TOPORS: variants seen among roughly 807,000 people sequenced by gnomAD.
TOPORS encodes the protein TOP1 binding arginine/serine rich protein, E3 ubiquitin ligase.
Under a neutral mutation model 81.4 loss-of-function variants are expected in TOPORS, and 25 were observed. The ratio of observed to expected loss-of-function variants is 0.31; its 90% confidence interval spans 0.22 to 0.43. The LOEUF (loss-of-function observed/expected upper bound fraction) is 0.43, where lower values mean the gene tolerates loss of function less well. Ranked by LOEUF, TOPORS falls within the 20% of genes least tolerant of loss-of-function variation. The probability of loss-of-function intolerance (pLI) is 1.00; values close to 1 mark genes in which losing one functional copy is unlikely to be tolerated. For missense variants in TOPORS, 1,101 were observed against 1,267.0 expected, an observed-to-expected ratio of 0.87 and a Z score of 1.99; for synonymous variants, 473 against 456.6, an observed-to-expected ratio of 1.04 and a Z score of -0.46.
At chr9:32,546,435 A>C (rs1222081136) in intron 2 of TOPORS, among the ~76,000 whole-genome samples, 1 of 152,244 alleles carries the variant, frequency 6.6e-6, no homozygotes, top group Non-Finnish European at 1.5e-5. Flanking sequence ...GGCTTCACCT[A>C]GAACTAGCTC....
At chr9:32,550,656 G>A in intron 2 of TOPORS, 118 bp downstream of exon 2, 2 of 1,200,794 alleles carry the variant, frequency 1.7e-6, no homozygotes. Context: ...GCCGAGGCCC[G>A]GACAGCCCCG....
At chr9:32,548,525 T>G (rs1389482246) in intron 2 of TOPORS, among the ~76,000 whole-genome samples, 1 of 151,776 alleles carries the variant, frequency 6.6e-6, no homozygotes, top group Non-Finnish European at 1.5e-5. Context: ...AAACTCTGCC[T>G]CACACACAAA....
chr9:32,541,024 C>CA lies in TOPORS; in HGVS notation c.*362dup, dbSNP rs34721491. ...TATAACACATTTCCAGAATAACTCT[C>CA]AAAAAAAAAAAATTCAAAAATACTC... On this transcript the variant is annotated 3_prime_UTR_variant, in exon 3 of 3. Coordinates refer to ENST00000360538, the MANE Select transcript of TOPORS (RefSeq NM_005802.5). 30,112 of 164,024 alleles carry CA rather than the reference C, an allele frequency of 0.18. 2,822 individuals are homozygous for CA. Among genetic ancestry groups the CA allele is most frequent in the Non-Finnish European group, 0.25 (19,267 of 76,896 alleles). The allele number at this position is 164,024 out of a possible 1,614,324, so 10.2% of individuals were successfully genotyped here. A position where few individuals can be genotyped will look rare whatever the true frequency, so the allele number is the denominator to read the frequency against.
At chr9:32,549,151 C>G (rs534736859) in intron 2 of TOPORS, among the ~76,000 whole-genome samples, 4 of 152,026 alleles carry the variant, frequency 2.6e-5, no homozygotes, top group Non-Finnish European at 5.9e-5. Context: ...ACTAAAAATA[C>G]AAAAAATTAG....
At position 32,542,486 on chromosome 9, in the gene TOPORS, C is replaced by T; in HGVS notation, c.2039G>A (p.Arg680Lys). The change falls in exon 3 of 3, where the codon AGA becomes AAA. Residue 680 changes from arginine (R) to lysine (K), a missense_variant. Transcript: ENST00000360538. The stretch of plus-strand genomic sequence containing the variant: ...ATCTCTATTTCTGCTCCGTGATCTT[C>T]TTTTACCATGATCACTGCTACGAGA... ...SRSRSSDHGK[R>K]RSRSRNRDRY... 1 of 1,613,834 alleles carries T rather than the reference C, an allele frequency of 6.2e-7. No homozygotes were observed. Among genetic ancestry groups the T allele is most frequent in the Non-Finnish European group, 8.5e-7 (1 of 1,180,014 alleles).
At chr9:32,550,424 G>A (rs1821214533) in intron 2 of TOPORS, among the ~76,000 whole-genome samples, 1 of 152,236 alleles carries the variant, frequency 6.6e-6, no homozygotes, top group African/African-American at 2.4e-5. Flanking sequence ...TTTACAGACA[G>A]GCTCAGGGAT....
intron 1 of TOPORS, chr9:32,551,371 T>C (rs1338639359): frequency 5.9e-6 from 2 of 340,130 alleles, no homozygotes; most frequent in Non-Finnish European, 1.2e-5. Context: ...TCACCTCCTG[T>C]TGTACGCCTC....
At chr9:32,550,528 T>C (rs1032016082) in intron 2 of TOPORS, among the ~76,000 whole-genome samples, 1 of 152,332 alleles carries the variant, frequency 6.6e-6, no homozygotes, top group Admixed American at 6.5e-5. Context: ...CCAAGCTCTT[T>C]CCAGTACACG....
At chr9:32,550,256 G>T (rs111313866) in intron 2 of TOPORS, among the ~76,000 whole-genome samples, 1 of 152,148 alleles carries the variant, frequency 6.6e-6, no homozygotes, top group Admixed American at 6.6e-5. Flanking sequence ...ACAAGTCACG[G>T]GCAATTTCTG....
intron 2 of TOPORS, among the ~76,000 whole-genome samples, chr9:32,549,056 T>C (rs571344729): frequency 7.6e-4 from 116 of 152,238 alleles, no homozygotes; most frequent in Non-Finnish European, 1.2e-3. Flanking sequence ...ATGCCTGTAA[T>C]CCCAGCACTT....
Position 32,543,683 on chromosome 9 carries a change from A to T in TOPORS, c.842T>A (p.Ile281Asn), listed in dbSNP as rs1302485735. The change falls in exon 3 of 3, where the codon ATT (isoleucine) becomes AAT (asparagine). Residue 281 changes from isoleucine to asparagine, a missense_variant. Ile to Asn is a moderately radical substitution (Grantham distance 149, BLOSUM62 -3). This residue lies in a region of TOPORS where 69 missense variants were observed against 153.6 expected (regional missense o/e 0.45). Transcript: ENST00000360538. This position sits in a 1 kb window ranked among gnomAD's most constrained non-coding sequence, Gnocchi z 5.6. ...ATTTCTACGGAAAAATTCAGCTGAA[A>T]TATCCCTGTAGCGGCCACCATCTTC... ...NIEDGGRYRD[I>N]SAEFFRRNPA... 1.2e-6 allele frequency: 2 copies of T among 1,613,080 alleles called. No homozygotes were observed. Among genetic ancestry groups the T allele is most frequent in the Non-Finnish European group, 8.5e-7 (1 of 1,179,768 alleles).
Position 32,543,824 on chromosome 9 carries a change from A to G in TOPORS, c.701T>C (p.Ile234Thr). 1.2e-6 allele frequency: 2 copies of G among 1,614,098 alleles called. No individual in the cohort carries two copies. The highest frequency in any genetic ancestry group is 1.3e-5 in the African/African-American group (1 of 75,050). ...DVEIPQFMRQ[I>T]AVRRPTTADE... ...TGCCGTAGTTGGCCTCCTTACTGCA[A>G]TCTGTCTCATAAACTGAGGAATTTC... The change falls in exon 3 of 3, where the codon ATT becomes ACT. Residue 234 changes from isoleucine (I) to threonine (T), a missense_variant. Around this residue, in one of 9 missense-constraint regions of TOPORS, gnomAD observed 120 missense variants for 115.4 expected, o/e 1.04. Coordinates refer to ENST00000360538, the MANE Select transcript of TOPORS (RefSeq NM_005802.5). This position sits in a 1 kb window ranked among gnomAD's most constrained non-coding sequence, Gnocchi z 5.6.
chr9:32,542,226 G>A lies in TOPORS; in HGVS notation c.2299C>T (p.His767Tyr). Residue 767 changes from histidine (H) to tyrosine (Y), a missense_variant, in exon 3 of 3, where the codon CAC becomes TAC. Physicochemically the swap from His to Tyr is moderately conservative, Grantham distance 83. Coordinates refer to ENST00000360538, the MANE Select transcript of TOPORS (RefSeq NM_005802.5). ...TTACTAGACAGGCTCCTTGATCTGT[G>A]CCTTTCATAGTAGTAATACTTCCTC... The part of the protein sequence containing the change: ...SERKYYYYER[H>Y]RSRSLSSNRS... 6.2e-7 allele frequency: 1 copy of A among 1,614,136 alleles called. No homozygotes were observed.
intron 2 of TOPORS, among the ~76,000 whole-genome samples, chr9:32,549,450 T>C (rs1436632254): frequency 1.3e-5 from 2 of 152,256 alleles, no homozygotes; most frequent in Non-Finnish European, 2.9e-5. Context: ...TTAGTAGGTG[T>C]GTAACCTGGA....
Position 32,543,130 on chromosome 9 carries a change from G to C in TOPORS, c.1395C>G (p.Asp465Glu). 6.2e-7 allele frequency: 1 copy of C among 1,614,056 alleles called. No homozygotes were observed. The highest frequency in any genetic ancestry group is 8.5e-7 in the Non-Finnish European group (1 of 1,180,012). ...AATCATCACTGTCATTATTTAGGTC[G>C]TCATTGGTTTGTACTCCTTGTATCT... ...TSQIQGVQTNDDLNNDSDDSS... is the reference protein window; with the variant it reads ...TSQIQGVQTNEDLNNDSDDSS... Residue 465 changes from aspartate to glutamate, a missense_variant, in exon 3 of 3, where the codon GAC becomes GAG. By Grantham distance (45) the Asp-to-Glu change is conservative. Around this residue, in one of 9 missense-constraint regions of TOPORS, gnomAD observed 103 missense variants for 112.1 expected, o/e 0.92. Coordinates refer to ENST00000360538, the MANE Select transcript of TOPORS (RefSeq NM_005802.5). The surrounding 1 kb of genome is among the most constrained non-coding windows in gnomAD (Gnocchi z 5.6).
rs1821088820 is a variant in TOPORS, at chr9:32,542,813, G to A, written c.1712C>T (p.Pro571Leu). 6.2e-7 allele frequency: 1 copy of A among 1,613,948 alleles called. No homozygotes were observed. Among genetic ancestry groups the A allele is most frequent in the East Asian group, 2.2e-5 (1 of 44,874 alleles). ...EEKRSTSLSS[P>L]RNLNSSVRGD... Reference sequence around the variant, plus strand: ...TCTTACAGATGAGTTCAGGTTTCTGGGAGATGACAATGATGTAGATCGTTT... The same window carrying A: ...TCTTACAGATGAGTTCAGGTTTCTGAGAGATGACAATGATGTAGATCGTTT... The change falls in exon 3 of 3, where the codon CCC becomes CTC. Residue 571 changes from proline (P) to leucine (L), a missense_variant. Physicochemically the swap from Pro to Leu is moderately conservative, Grantham distance 98 (BLOSUM62 -3). This residue lies in a region of TOPORS where 605 missense variants were observed against 636.1 expected (regional missense o/e 0.95). Transcript: ENST00000360538.
intron 1 of TOPORS, 56 bp from the exon 2 acceptor site, chr9:32,551,024 G>T: frequency 1.3e-6 from 2 of 1,581,310 alleles, no homozygotes; most frequent in Non-Finnish European, 1.7e-6. Context: ...CAGAGAGCGA[G>T]ACCCACCCCC....
intron 2 of TOPORS, among the ~76,000 whole-genome samples, chr9:32,547,819 G>A (rs2118974837): frequency 6.6e-6 from 1 of 151,958 alleles, no homozygotes; most frequent in Admixed American, 6.6e-5. Flanking sequence ...GAACTTTATG[G>A]ATGGAATGTA....
Position 32,542,483 on chromosome 9 carries a change from C to T in TOPORS, c.2042G>A (p.Arg681Lys), listed in dbSNP as rs1264410492. The T allele has an allele frequency of 1.2e-6, 2 of 1,613,634 alleles. No individual in the cohort carries two copies. The highest frequency in any genetic ancestry group is 1.7e-6 in the Non-Finnish European group (2 of 1,179,978). The change falls in exon 3 of 3, where the codon AGA becomes AAA. Residue 681 changes from arginine (R) to lysine (K), a missense_variant. Around this residue, in one of 9 missense-constraint regions of TOPORS, gnomAD observed 605 missense variants for 636.1 expected, o/e 0.95. Transcript: ENST00000360538. ...RSRSSDHGKR[R>K]SRSRNRDRYY... is the part of the protein sequence containing the mutation. ...ACGATCTCTATTTCTGCTCCGTGAT[C>T]TTCTTTTACCATGATCACTGCTACG...
Sources: allele counts gnomAD v4.1 joint callset (sites outside exome capture counted in the v4.1 genomes callset), GRCh38; gene constraint gnomAD v4.1.1; regional missense constraint gnomAD v4.1.1; non-coding constraint Gnocchi (gnomAD v3.1); transcripts MANE v1.5; gene names NCBI Gene and HGNC (gene_info 2026-07-23, HGNC 2026-07-21).